Variants in POLA1 observed in about 807,000 individuals in gnomAD.
POLA1 encodes the protein DNA polymerase alpha catalytic subunit.
POLA1 carries 15 observed loss-of-function variants against 124.0 expected under a neutral mutation model. The ratio of observed to expected loss-of-function variants is 0.12; its 90% CI spans 0.08 to 0.19. The LOEUF is 0.19. Ranked by LOEUF, POLA1 falls within the 10% of genes least tolerant of loss-of-function variation. POLA1 has a pLI of 1.00. For synonymous variants in POLA1, 408 were observed against 389.4 expected (o/e 1.05, Z -0.56); for missense variants, 886 against 1,103.4 (o/e 0.80, Z 2.79).
rs765689760 is a variant in POLA1 at position 24,994,558 on chromosome X, T to C, written c.4262-1247T>C. On this transcript the variant is annotated intron_variant, in intron 36 of 36. Coordinates refer to ENST00000379068, the MANE Select transcript of POLA1 (RefSeq NM_001330360.2). ...GCGGAGGCCTCACCTCAGGATCAGC[T>C]GATGTCTGAGGCCTGCAAATTTCTA... is the stretch of plus-strand genomic sequence containing the variant. Among the ~76,000 whole-genome samples the C allele has an allele frequency of 3.6e-5, 4 of 112,183 alleles. No individual in the cohort carries two copies. The East Asian group carries it at 8.4e-4, about 24-fold the overall frequency.
chrX:24,834,835 A>G (rs1363067538), intron 32 of POLA1, among the ~76,000 whole-genome samples: 1 of 110,675 alleles, frequency 9.0e-6, no homozygotes, highest in African/African-American at 3.3e-5. Context: ...TGTATATTAT[A>G]TATATATATA....
At chrX:24,709,267 A>T (rs1929120634) in intron 4 of POLA1, among the ~76,000 whole-genome samples, 1 of 88,765 alleles carries the variant, frequency 1.1e-5, no homozygotes, top group African/African-American at 4.9e-5. Context: ...TCCCTCCCGG[A>T]CGGCACGGCT....
intron 26 of POLA1, among the ~76,000 whole-genome samples, chrX:24,782,289 T>A (rs1178180205): frequency 8.9e-6 from 1 of 112,085 alleles, no homozygotes; most frequent in Non-Finnish European, 1.9e-5. Context: ...AATCCATGAT[T>A]AGGACACACC....
At chrX:24,946,300 C>T (rs139124622) in intron 36 of POLA1, among the ~76,000 whole-genome samples, 26 of 111,793 alleles carry the variant, frequency 2.3e-4, no homozygotes, top group Middle Eastern at 9.1e-3. Context: ...CGGTCTGGAA[C>T]AGGATGGTAG....
At chrX:24,734,371 ATTTTC>A (rs1207134697) in intron 17 of POLA1, 1 of 111,594 alleles carries the variant, frequency 9.0e-6, no homozygotes, top group Non-Finnish European at 1.9e-5. Context: ...AATTAAAAGA[ATTTTC>A]TTTTATGGAT....
intron 34 of POLA1, among the ~76,000 whole-genome samples, chrX:24,858,834 CA>C: frequency 8.9e-6 from 1 of 112,307 alleles, no homozygotes; most frequent in African/African-American, 3.2e-5. Flanking sequence ...TCTCACACAC[CA>C]AAAGTATTTA....
chrX:24,839,927 T>C (rs2046389395), intron 32 of POLA1, among the ~76,000 whole-genome samples: 1 of 111,961 alleles, frequency 8.9e-6, no homozygotes, highest in Non-Finnish European at 1.9e-5. Context: ...TTCAGCGGTG[T>C]GGTCTCTCTC....
chrX:24,969,592 G>A (rs2048274615), intron 36 of POLA1, among the ~76,000 whole-genome samples: 1 of 110,417 alleles, frequency 9.1e-6, no homozygotes, highest in Admixed American at 9.6e-5. Context: ...GAGCACTAAT[G>A]TACTCTTCCT....
chrX:24,769,928 G>A (rs1411409917), intron 26 of POLA1, among the ~76,000 whole-genome samples: 1 of 111,812 alleles, frequency 8.9e-6, no homozygotes, highest in Admixed American at 9.5e-5. Context: ...GTCTTGAAGG[G>A]ATTAAGTAAA....
intron 10 of POLA1, among the ~76,000 whole-genome samples, chrX:24,720,947 C>T (rs184676812): frequency 0.01 from 1,147 of 112,554 alleles, 8 homozygotes; most frequent in Non-Finnish European, 0.015. Flanking sequence ...TTGGATGGCT[C>T]AGAAACAACA....
At chrX:24,890,572 G>T (rs761889873) in intron 35 of POLA1, among the ~76,000 whole-genome samples, 1 of 112,073 alleles carries the variant, frequency 8.9e-6, no homozygotes, top group Admixed American at 9.4e-5. Flanking sequence ...ATACAATATG[G>T]TCATGATTTA....
chrX:24,799,543 CCTT>C (rs1051802282), intron 26 of POLA1, among the ~76,000 whole-genome samples: 2 of 112,318 alleles, frequency 1.8e-5, no homozygotes, highest in Non-Finnish European at 3.8e-5. Context: ...CAGCCTGACG[CCTT>C]CTTCTCAAAT....
intron 26 of POLA1, among the ~76,000 whole-genome samples, chrX:24,765,588 C>T (rs1336552990): frequency 7.2e-5 from 8 of 111,524 alleles, no homozygotes; most frequent in South Asian, 3.7e-4. Flanking sequence ...TGAGCCACTG[C>T]GCCTGGCCTT....
intron 26 of POLA1, among the ~76,000 whole-genome samples, chrX:24,791,575 G>C (rs1244712644): frequency 8.9e-6 from 1 of 111,960 alleles, no homozygotes; most frequent in Non-Finnish European, 1.9e-5. Flanking sequence ...TAGTAGAGAT[G>C]GAGTTTCATC....
chrX:24,720,590 C>T lies in POLA1; in HGVS notation c.1088-2565C>T, dbSNP rs769232016. 1.3e-4 allele frequency among the ~76,000 whole-genome samples: 14 copies of T among 111,725 alleles called. 1 individual carries two copies. In the East Asian group the frequency reaches 2.0e-3, roughly 16 times the overall value. On this transcript the variant is annotated intron_variant, in intron 10 of 36. Coordinates refer to ENST00000379068, the MANE Select transcript of POLA1 (RefSeq NM_001330360.2). ...ATGCGTAACACAAAAGCAAATGGTT[C>T]CCCACTCCCCCACAACCCCACAAAG...
At position 24,737,677 on chromosome X, in the gene POLA1, T is replaced by C. The variant is rs1168655904; in HGVS notation, c.1976T>C (p.Val659Ala). The change falls in exon 19 of 37, where the codon GTG (valine) becomes GCG (alanine). Residue 659 changes from valine (V) to alanine (A), a missense_variant. Coordinates refer to ENST00000379068, the MANE Select transcript of POLA1 (RefSeq NM_001330360.2). ...ELEVLLQRIN[V>A]CKAPHWSKIG... ...GAAGTACTACTGCAGAGAATTAATG[T>C]GTGCAAAGCTCCTCACTGGTCCAAG... The C allele has an allele frequency of 8.5e-7, 1 of 1,180,547 alleles. No homozygotes were observed. The highest frequency in any genetic ancestry group is 1.7e-5 in the African/African-American group (1 of 57,299).
chrX:24,877,197 G>T (rs1290346229), intron 34 of POLA1, among the ~76,000 whole-genome samples: 3 of 111,794 alleles, frequency 2.7e-5, no homozygotes, highest in Non-Finnish European at 5.6e-5. Flanking sequence ...GAAGTACAAA[G>T]CATTGAAAGG....
intron 34 of POLA1, among the ~76,000 whole-genome samples, chrX:24,886,852 G>C (rs1018511498): frequency 8.9e-6 from 1 of 111,856 alleles, no homozygotes; most frequent in Non-Finnish European, 1.9e-5. Context: ...TGTTCTTTCT[G>C]TGTAAGTTGT....
At chrX:24,697,531 A>G (rs1280146432) in intron 1 of POLA1, among the ~76,000 whole-genome samples, 3 of 112,167 alleles carry the variant, frequency 2.7e-5, no homozygotes, top group African/African-American at 9.7e-5. Context: ...AAGTCAAACA[A>G]TAGAGTGTGA....
Sources: allele counts gnomAD v4.1 joint callset (sites outside exome capture counted in the v4.1 genomes callset), GRCh38; gene constraint gnomAD v4.1.1; transcripts MANE v1.5; gene names NCBI Gene and HGNC (gene_info 2026-07-23, HGNC 2026-07-21).